CA12: variants seen among roughly 807,000 people sequenced by gnomAD.
The protein encoded by CA12 is carbonic anhydrase 12.
In CA12, 36 loss-of-function variants were observed where a neutral mutation model predicts 46.8. The observed-to-expected ratio is 0.77, with a 90% CI of 0.59 to 1.02. The LOEUF (loss-of-function observed/expected upper bound fraction) is 1.02. Among genes scored for constraint, CA12 ranks in the 50% least tolerant of loss-of-function variants. The probability of loss-of-function intolerance (pLI) is 0.00; values close to 1 mark genes in which losing one functional copy is unlikely to be tolerated. For missense variants in CA12, 436 were observed against 451.4 expected (o/e 0.97, Z 0.31); for synonymous variants, 202 against 187.0 (o/e 1.08, Z -0.65).
intron 1 of CA12, 142 bp from the exon 2 acceptor site, chr15:63,375,820 T>C (rs1222950994): frequency 5.9e-6 from 4 of 681,936 alleles, no homozygotes; most frequent in Non-Finnish European, 1.0e-5. Flanking sequence ...TCTTTTTTTT[T>C]TTTTTCAAGG....
chr15:63,379,317 A>T (rs553544421), intron 1 of CA12, among the ~76,000 whole-genome samples: 87 of 152,164 alleles, frequency 5.7e-4, no homozygotes, highest in African/African-American at 1.9e-3. Flanking sequence ...TCGGGTGAGG[A>T]TCAGGGCCCC....
intron 1 of CA12, among the ~76,000 whole-genome samples, chr15:63,379,727 T>C (rs1443941516): frequency 6.6e-6 from 1 of 152,192 alleles, no homozygotes; most frequent in Non-Finnish European, 1.5e-5. Context: ...GGGCCCTGCC[T>C]GCTTCCTGTG....
rs913316936 is a variant in CA12, at chr15:63,374,455, C to G, written c.106+1203G>C. On this transcript the variant is annotated intron_variant, in intron 2 of 10. Coordinates refer to ENST00000178638, the MANE Select transcript of CA12 (RefSeq NM_001218.5). This position sits in a 1 kb window ranked among gnomAD's most constrained non-coding sequence, Gnocchi z 4.4. Reference sequence around the variant, plus strand: ...CATTTGTTTATGATGTTATTATTACCTATTATGTTCTGCTTTGAATTGTGA... The same window carrying G: ...CATTTGTTTATGATGTTATTATTACGTATTATGTTCTGCTTTGAATTGTGA... Among the ~76,000 whole-genome samples the G allele has an allele frequency of 2.6e-5, 4 of 152,188 alleles. No homozygotes were observed. The highest frequency in any genetic ancestry group is 7.2e-5 in the African/African-American group (3 of 41,438).
At chr15:63,335,409 G>A (rs2038988847) in intron 8 of CA12, among the ~76,000 whole-genome samples, 1 of 151,982 alleles carries the variant, frequency 6.6e-6, no homozygotes, top group African/African-American at 2.4e-5. Flanking sequence ...CTAAACTTCA[G>A]ATCCTTCCCC....
rs571213766 is a variant in CA12 at position 63,346,324 on chromosome 15, G to A, written c.286+206C>T. Among the ~76,000 whole-genome samples the A allele has an allele frequency of 9.1e-4, 138 of 152,212 alleles. 1 individual carries two copies. Among genetic ancestry groups the A allele is most frequent in the Middle Eastern group, 6.8e-3 (2 of 294 alleles). ...GAGATGTGCTTCTTCTGGGAAGTGC[G>A]GCCCTGGCAGGATCCTCAGAGCCCA... On this transcript the variant is annotated intron_variant, in intron 3 of 10. Coordinates refer to ENST00000178638, the MANE Select transcript of CA12 (RefSeq NM_001218.5).
intron 2 of CA12, among the ~76,000 whole-genome samples, chr15:63,367,206 C>T (rs2039447648): frequency 1.3e-5 from 2 of 152,222 alleles, no homozygotes; most frequent in African/African-American, 2.4e-5. Flanking sequence ...CAGCTGTGAG[C>T]CACCGCACCC....
At chr15:63,335,353 TAGC>T (rs1450928415) in intron 8 of CA12, among the ~76,000 whole-genome samples, 3 of 152,182 alleles carry the variant, frequency 2.0e-5, no homozygotes, top group African/African-American at 7.2e-5. Context: ...TTGAGGAAAA[TAGC>T]AGGGTTAAGT....
In CA12 at chr15:63,329,406, G is replaced by A. The variant is rs529511775; in HGVS notation, c.875-1276C>T. ...ATCACATGAGAATCCATTGTCTTGA[G>A]TGAGCAGAGGATCCCAGTCATGAAG... On this transcript the variant is annotated intron_variant, in intron 8 of 10. Coordinates refer to ENST00000178638, the MANE Select transcript of CA12 (RefSeq NM_001218.5). The surrounding 1 kb of genome is among the most constrained non-coding windows in gnomAD (Gnocchi z 4.8). Among the ~76,000 whole-genome samples, 19 of 152,318 alleles carry A rather than the reference G, an allele frequency of 1.2e-4. No individual in the cohort carries two copies. The highest frequency in any genetic ancestry group is 4.3e-4 in the African/African-American group (18 of 41,566).
rs527520850 is a variant in CA12 at position 63,372,082 on chromosome 15, C to T, written c.106+3576G>A. On this transcript the variant is annotated intron_variant, in intron 2 of 10. Coordinates refer to ENST00000178638, the MANE Select transcript of CA12 (RefSeq NM_001218.5). The surrounding 1 kb of genome is among the most constrained non-coding windows in gnomAD (Gnocchi z 4.5). ...GGACCTGAACGTGCCCACAACCCTT[C>T]CTGCCTCCTTCCGGTCATCTTCATC... Among the ~76,000 whole-genome samples the T allele has an allele frequency of 3.3e-5, 5 of 152,326 alleles. No homozygotes were observed. In the South Asian group the frequency reaches 1.0e-3, roughly 32 times the overall value.
chr15:63,335,815 C>G (rs1025207778), intron 8 of CA12, among the ~76,000 whole-genome samples: 14 of 152,154 alleles, frequency 9.2e-5, no homozygotes, highest in Admixed American at 9.2e-4. Context: ...ACACCGTAAA[C>G]CTGAAACATC....
rs532158075 is a variant in CA12, at chr15:63,341,296, G to T, written c.526-513C>A. On this transcript the variant is annotated intron_variant, in intron 5 of 10. Coordinates refer to ENST00000178638, the MANE Select transcript of CA12 (RefSeq NM_001218.5). This position sits in a 1 kb window ranked among gnomAD's most constrained non-coding sequence, Gnocchi z 5.2. ...AGCCCCCAGGCTGTGGACCAGTACC[G>T]GTCTGTGGCCTGTTAGGAACTGGGC... is the stretch of plus-strand genomic sequence containing the variant. 1.3e-5 allele frequency among the ~76,000 whole-genome samples: 2 copies of T among 152,038 alleles called. No individual in the cohort carries two copies. Among genetic ancestry groups the T allele is most frequent in the Non-Finnish European group, 2.9e-5 (2 of 68,004 alleles).
At chr15:63,351,440 G>C (rs908892149) in intron 2 of CA12, among the ~76,000 whole-genome samples, 2 of 152,086 alleles carry the variant, frequency 1.3e-5, no homozygotes, top group Non-Finnish European at 2.9e-5. Context: ...TTTCTCCCTA[G>C]CATGCCCTGC....
Position 63,343,751 on chromosome 15 carries a change from G to C in CA12, c.430-1654C>G, listed in dbSNP as rs150212477. 2.1e-3 allele frequency among the ~76,000 whole-genome samples: 315 copies of C among 152,162 alleles called. 8 individuals carry two copies. The East Asian group carries it at 0.051, about 25-fold the overall frequency. ...TGTGACTTAATAGCAGAAAATACAA[G>C]AAGTAGAAATATTTTAAAACACATA... is the stretch of plus-strand genomic sequence containing the variant. On this transcript the variant is annotated intron_variant, in intron 4 of 10. Transcript: ENST00000178638.
intron 8 of CA12, among the ~76,000 whole-genome samples, chr15:63,338,268 C>A (rs184823136): frequency 1.3e-5 from 2 of 152,206 alleles, no homozygotes; most frequent in African/African-American, 4.8e-5. Flanking sequence ...GACAAAAATG[C>A]AGTGCACAAG....
Position 63,326,293 on chromosome 15 carries a change from G to A in CA12, c.1057C>T (p.His353Tyr), listed in dbSNP as rs144569563. ...CGGGAGCTCCGGGGACCTCAAGCGTGGGCCTCAGTCTCCATCTTGGTGGCT... is the reference window on the plus strand; with the variant it reads ...CGGGAGCTCCGGGGACCTCAAGCGTAGGCCTCAGTCTCCATCTTGGTGGCT... ...KPATKMETEA[H>Y]A Residue 353 changes from histidine to tyrosine, a missense_variant, in exon 11 of 11, where the codon CAC becomes TAC. Transcript: ENST00000178638. 41 of 1,613,866 alleles carry A rather than the reference G, an allele frequency of 2.5e-5. No homozygotes were observed. The African/African-American group carries it at 4.9e-4, about 19-fold the overall frequency.
intron 2 of CA12, among the ~76,000 whole-genome samples, chr15:63,352,009 G>A (rs991510565): frequency 4.6e-5 from 7 of 152,098 alleles, no homozygotes; most frequent in African/African-American, 1.2e-4. Flanking sequence ...GGGTGTATGC[G>A]TGGTGGTTAT....
chr15:63,375,252 C>T (rs1254651349), intron 2 of CA12, among the ~76,000 whole-genome samples: 2 of 152,224 alleles, frequency 1.3e-5, no homozygotes, highest in Non-Finnish European at 2.9e-5. Flanking sequence ...GGGACCTCAG[C>T]CAAACTTTCA....
Position 63,341,084 on chromosome 15 carries a change from C to A in CA12, c.526-301G>T, listed in dbSNP as rs1243669164. 2.0e-5 allele frequency among the ~76,000 whole-genome samples: 3 copies of A among 152,134 alleles called. No homozygotes were observed. The highest frequency in any genetic ancestry group is 4.4e-5 in the Non-Finnish European group (3 of 68,030). ...TGAGCCTGAAGGCTTTGACTAACATCCATGTCACACAGAACTTAAGGAGCT... is the reference window on the plus strand; with the variant it reads ...TGAGCCTGAAGGCTTTGACTAACATACATGTCACACAGAACTTAAGGAGCT... On this transcript the variant is annotated intron_variant, in intron 5 of 10. Coordinates refer to ENST00000178638, the MANE Select transcript of CA12 (RefSeq NM_001218.5). The surrounding 1 kb of genome is among the most constrained non-coding windows in gnomAD (Gnocchi z 5.2).
chr15:63,338,681 C>T lies in CA12; in HGVS notation c.874+138G>A, dbSNP rs562754575. 6.5e-4 allele frequency: 723 copies of T among 1,119,496 alleles called. 1 individual carries two copies. The highest frequency in any genetic ancestry group is 1.3e-3 in the East Asian group (54 of 41,736). The allele number at this position is 1,119,496 out of a possible 1,614,324, so 69.3% of individuals were successfully genotyped here. A position where few individuals can be genotyped will look rare whatever the true frequency, so the allele number is the denominator to read the frequency against. On this transcript the variant is annotated intron_variant, in intron 8 of 10. Transcript: ENST00000178638. ...GAGCCCCACACCTAGTCTCACAAGG[C>T]GCCTGGTTCCCGTGGCAGCCAGGGA...
Sources: gnomAD v4.1 joint callset for allele counts (sites outside exome capture counted in the v4.1 genomes callset) on GRCh38, gnomAD v4.1.1 for gene constraint, Gnocchi (gnomAD v3.1) non-coding constraint, MANE v1.5 for transcripts, NCBI Gene and HGNC (gene_info 2026-07-23, HGNC 2026-07-21) for gene names.